SV2A: variants seen among roughly 807,000 people sequenced by gnomAD.
SV2A encodes the protein solute carrier family 22 member B1.
A neutral mutation model predicts 78.0 loss-of-function variants in SV2A; 25 were observed. The ratio of observed to expected loss-of-function variants is 0.32; its 90% CI spans 0.23 to 0.45. The LOEUF (loss-of-function observed/expected upper bound fraction) is 0.45, where lower values mean the gene tolerates loss of function less well. Ranked by LOEUF, SV2A falls within the 20% of genes least tolerant of loss-of-function variation. The pLI is 1.00. For missense variants in SV2A, 752 were observed against 971.5 expected, an observed-to-expected ratio of 0.77 and a Z score of 3.00; for synonymous variants, 355 against 384.7, an observed-to-expected ratio of 0.92 and a Z score of 0.90.
Position 149,904,073 on chromosome 1 carries a change from T to C in SV2A, c.*941A>G, listed in dbSNP as rs2092416877. 1.3e-5 allele frequency: 2 copies of C among 152,810 alleles called. No homozygotes were observed. Among genetic ancestry groups the C allele is most frequent in the South Asian group, 4.1e-4 (2 of 4,834 alleles). 9.5% of individuals were successfully genotyped at this position (152,810 alleles called of 1,614,324 possible). On this transcript the variant is annotated 3_prime_UTR_variant, in exon 13 of 13. Coordinates refer to ENST00000369146, the MANE Select transcript of SV2A (RefSeq NM_014849.5). ...AGGGCAGCTGTGCTATTCCCGCCTG[T>C]GCTGTAGTGGGTGGAGCCTCTCACT...
rs782710040 is a variant in SV2A, at chr1:149,913,495, C to T, written c.346G>A (p.Gly116Arg). 6.2e-7 allele frequency: 1 copy of T among 1,613,780 alleles called. No homozygotes were observed. Among genetic ancestry groups the T allele is most frequent in the South Asian group, 1.1e-5 (1 of 91,034 alleles). The change falls in exon 2 of 13, where the codon GGG becomes AGG. Residue 116 changes from glycine (G) to arginine (R), a missense_variant. Gly to Arg is a moderately radical substitution (Grantham distance 125). Transcript: ENST00000369146. ...SGGKGERMAD[G>R]APLAGVRGGL... The stretch of plus-strand genomic sequence containing the variant: ...CCCCTTACTCCAGCCAGGGGCGCCC[C>T]ATCTGCCATCCGCTCGCCTTTGCCC...
chr1:149,915,021 C>A (rs192951538), intron 1 of SV2A, among the ~76,000 whole-genome samples: 3 of 152,106 alleles, frequency 2.0e-5, no homozygotes, highest in Non-Finnish European at 4.4e-5. Context: ...AAGGAGAATC[C>A]TGGTTCAGGG....
At position 149,906,749 on chromosome 1, in the gene SV2A, T is replaced by G. The variant is rs587745148; in HGVS notation, c.1786A>C (p.Met596Leu). Residue 596 changes from methionine (M) to leucine (L), a missense_variant, in exon 11 of 13, where the codon ATG becomes CTG. Met to Leu is a conservative substitution (Grantham distance 15). Around this residue, in one of 7 missense-constraint regions of SV2A, gnomAD observed 186 missense variants for 274.6 expected, o/e 0.68. Coordinates refer to ENST00000369146, the MANE Select transcript of SV2A (RefSeq NM_014849.5). ...CCCAGGAAGCTCACAAAGTATACCA[T>G]GTAGGCACCTTCGCCCGTCCCTGTC... ...DVTGTGEGAY[M>L]VYFVSFLGTL... 3.6e-5 allele frequency: 58 copies of G among 1,614,214 alleles called. 1 individual carries two copies. In the South Asian group the frequency reaches 6.0e-4, roughly 17 times the overall value.
Position 149,913,449 on chromosome 1 carries a change from C to T in SV2A, c.392G>A (p.Gly131Asp). 6.2e-7 allele frequency: 1 copy of T among 1,600,032 alleles called. No individual in the cohort carries two copies. The highest frequency in any genetic ancestry group is 8.5e-7 in the Non-Finnish European group (1 of 1,171,786). The change falls in exon 2 of 13, where the codon GGT (glycine) becomes GAT (aspartate). Residue 131 changes from glycine to aspartate, a missense_variant. Around this residue, in one of 7 missense-constraint regions of SV2A, gnomAD observed 291 missense variants for 359.5 expected, o/e 0.81. Coordinates refer to ENST00000369146, the MANE Select transcript of SV2A (RefSeq NM_014849.5). ...GVRGGLSDGEGPPGGRGEAQR... is the reference protein window; with the variant it reads ...GVRGGLSDGEDPPGGRGEAQR... Reference sequence around the variant, plus strand: ...TGCCTCCCCCCGGCCCCCAGGGGGACCCTCCCCATCACTCAAGCCCCCCCT... The same window carrying T: ...TGCCTCCCCCCGGCCCCCAGGGGGATCCTCCCCATCACTCAAGCCCCCCCT...
At chr1:149,913,159 C>T in intron 2 of SV2A, 60 bp downstream of exon 2, 1 of 1,569,912 alleles carries the variant, frequency 6.4e-7, no homozygotes, top group Non-Finnish European at 8.6e-7. Flanking sequence ...AGAGCAATTT[C>T]CAGGAGCAAG....
rs782446876 is a variant in SV2A at position 149,913,847 on chromosome 1, G to A, written c.-7C>T. 1.9e-6 allele frequency: 3 copies of A among 1,596,118 alleles called. No homozygotes were observed. Among genetic ancestry groups the A allele is most frequent in the Non-Finnish European group, 1.7e-6 (2 of 1,169,364 alleles). ...CTCGGAAGCCCTCTTCCATGATGGGGCTTGGGGCACTTCACTGGGTCTTCT... is the reference window on the plus strand; with the variant it reads ...CTCGGAAGCCCTCTTCCATGATGGGACTTGGGGCACTTCACTGGGTCTTCT... On this transcript the variant is annotated 5_prime_UTR_variant, in exon 2 of 13. Transcript: ENST00000369146.
At chr1:149,906,886 G>C in intron 10 of SV2A, 30 bp from the exon 11 acceptor site, 1 of 1,612,860 alleles carries the variant, frequency 6.2e-7, no homozygotes, top group African/African-American at 1.3e-5. Context: ...TAAGCAGGCA[G>C]TCATAGCAGA....
intron 1 of SV2A, 132 bp downstream of exon 1, chr1:149,917,607 C>G (rs2092523920): frequency 6.6e-6 from 1 of 152,314 alleles, no homozygotes; most frequent in Non-Finnish European, 1.5e-5. Context: ...CACCAACCCC[C>G]CTCACCCCTA....
chr1:149,917,252 C>G (rs1398117168), intron 1 of SV2A, among the ~76,000 whole-genome samples: 3 of 151,838 alleles, frequency 2.0e-5, no homozygotes, highest in African/African-American at 7.3e-5. Context: ...CACTCCCCTT[C>G]CCTCCATCCT....
At position 149,904,912 on chromosome 1, in the gene SV2A, G is replaced by A; in HGVS notation, c.*102C>T. The A allele has an allele frequency of 1.5e-6, 2 of 1,291,630 alleles. No individual in the cohort carries two copies. Among genetic ancestry groups the A allele is most frequent in the South Asian group, 3.0e-5 (2 of 67,770 alleles). 80.0% of individuals were successfully genotyped at this position (1,291,630 alleles called of 1,614,324 possible). A position where few individuals can be genotyped will look rare whatever the true frequency, so the allele number is the denominator to read the frequency against. ...CTAAGACACCAAACACGGGGAGTGG[G>A]GAGTGAGGGCTCTGGAGGTCAGGAT... On this transcript the variant is annotated 3_prime_UTR_variant, in exon 13 of 13. Transcript: ENST00000369146.
Position 149,909,443 on chromosome 1 carries a change from C to T in SV2A, c.1290+18G>A, listed in dbSNP as rs782164930. 1 of 1,604,966 alleles carries T rather than the reference C, an allele frequency of 6.2e-7. No homozygotes were observed. Among genetic ancestry groups the T allele is most frequent in the East Asian group, 2.2e-5 (1 of 44,796 alleles). On this transcript the variant is annotated intron_variant, in intron 7 of 12. Coordinates refer to ENST00000369146, the MANE Select transcript of SV2A (RefSeq NM_014849.5). ...ACTTCCCCCACTCCCTTCTATCTACCACCCCGTCCACCATTACCTGCCCCC... is the reference window on the plus strand; with the variant it reads ...ACTTCCCCCACTCCCTTCTATCTACTACCCCGTCCACCATTACCTGCCCCC...
intron 10 of SV2A, 140 bp downstream of exon 10, chr1:149,907,560 T>C: frequency 4.2e-6 from 4 of 958,132 alleles, no homozygotes; most frequent in Non-Finnish European, 4.5e-6. Flanking sequence ...TGGTGGTAGC[T>C]ATCAGGCCCC....
At chr1:149,908,001 A>G in intron 9 of SV2A, 41 bp downstream of exon 9, 1 of 1,602,520 alleles carries the variant, frequency 6.2e-7, no homozygotes, top group Non-Finnish European at 8.5e-7. Flanking sequence ...GACGAGGTAG[A>G]AGGAACAGGG....
chr1:149,906,915 AC>A, intron 10 of SV2A, 59 bp from the exon 11 acceptor site: 1 of 1,598,860 alleles, frequency 6.3e-7, no homozygotes. Context: ...GGAGGCTGTT[AC>A]GGCTTATGGC....
chr1:149,911,740 G>A, intron 3 of SV2A, 60 bp downstream of exon 3: 1 of 1,544,858 alleles, frequency 6.5e-7, no homozygotes, highest in Non-Finnish European at 8.8e-7. Context: ...GGGCCCTAAA[G>A]ATACAACAGT....
chr1:149,913,296 T>C lies in SV2A; in HGVS notation c.545A>G (p.Glu182Gly). ...LGLALMADGV[E>G]VFVVGFVLPS... ...CAGCACGAAGCCCACCACAAAGACC[T>C]CCACACCGTCAGCCATCAGCGCCAG... Residue 182 changes from glutamate to glycine, a missense_variant, in exon 2 of 13, where the codon GAG becomes GGG. Around this residue, in one of 7 missense-constraint regions of SV2A, gnomAD observed 291 missense variants for 359.5 expected, o/e 0.81. Transcript: ENST00000369146. 6.2e-7 allele frequency: 1 copy of C among 1,614,074 alleles called. No individual in the cohort carries two copies. The highest frequency in any genetic ancestry group is 8.5e-7 in the Non-Finnish European group (1 of 1,179,984).
chr1:149,908,613 C>G (rs587697871), intron 8 of SV2A, among the ~76,000 whole-genome samples: 3 of 152,052 alleles, frequency 2.0e-5, no homozygotes, highest in African/African-American at 7.2e-5. Context: ...CTCTCATCAC[C>G]CTGCTTCATA....
At chr1:149,907,133 G>T in intron 10 of SV2A, 1 of 378,320 alleles carries the variant, frequency 2.6e-6, no homozygotes, top group South Asian at 1.1e-4. Flanking sequence ...CGTGCTAGCT[G>T]ACTATAAGCA....
At position 149,909,558 on chromosome 1, in the gene SV2A, T is replaced by G. The variant is rs2092462379; in HGVS notation, c.1193A>C (p.Lys398Thr). The change falls in exon 7 of 13, where the codon AAG becomes ACG. Residue 398 changes from lysine to threonine, a missense_variant. By Grantham distance (78) the Lys-to-Thr change is moderately conservative (BLOSUM62 -1). Around this residue, in one of 7 missense-constraint regions of SV2A, gnomAD observed 136 missense variants for 132.3 expected, o/e 1.03. Transcript: ENST00000369146. ...PERVFSVTHIKTIHQEDELIE... is the reference protein window; with the variant it reads ...PERVFSVTHITTIHQEDELIE... ...CAATTCATCCTCCTGATGAATCGTC[T>G]TAATGTGGGTTACCTGGGGTCAAGA... 1 of 1,614,092 alleles carries G rather than the reference T, an allele frequency of 6.2e-7. No homozygotes were observed. The highest frequency in any genetic ancestry group is 8.5e-7 in the Non-Finnish European group (1 of 1,179,996).
Sources: gnomAD v4.1 joint callset for allele counts (sites outside exome capture counted in the v4.1 genomes callset) on GRCh38, gnomAD v4.1.1 for gene constraint, gnomAD v4.1.1 regional missense constraint, MANE v1.5 for transcripts, NCBI Gene and HGNC (gene_info 2026-07-23, HGNC 2026-07-21) for gene names.